Variants in NEXMIF observed in about 807,000 individuals in gnomAD.
NEXMIF encodes the protein neurite extension and migration factor.
In NEXMIF, 8 loss-of-function variants were observed where a neutral mutation model predicts 62.1. The ratio of observed to expected loss-of-function variants is 0.13; its 90% CI spans 0.08 to 0.23. The LOEUF (loss-of-function observed/expected upper bound fraction) is 0.23, where lower values mean the gene tolerates loss of function less well. Among genes scored for constraint, NEXMIF ranks in the 10% least tolerant of loss-of-function variants. NEXMIF has a pLI of 1.00. For synonymous variants in NEXMIF, 404 were observed against 416.6 expected, an observed-to-expected ratio of 0.97 and a Z score of 0.37; for missense variants, 976 against 1,113.3, an observed-to-expected ratio of 0.88 and a Z score of 1.75.
intron 1 of NEXMIF, among the ~76,000 whole-genome samples, chrX:74,827,014 C>A (rs1342072811): frequency 8.9e-6 from 1 of 111,886 alleles, no homozygotes; most frequent in Non-Finnish European, 1.9e-5. Flanking sequence ...TAAGTCACAT[C>A]TTTGCCACTA....
intron 1 of NEXMIF, among the ~76,000 whole-genome samples, chrX:74,843,176 C>G: frequency 9.0e-6 from 1 of 111,627 alleles, no homozygotes; most frequent in Non-Finnish European, 1.9e-5. Flanking sequence ...TGCATATATA[C>G]TTAGGATGGT....
intron 1 of NEXMIF, among the ~76,000 whole-genome samples, chrX:74,866,273 C>T (rs1013671810): frequency 9.0e-6 from 1 of 111,461 alleles, no homozygotes; most frequent in African/African-American, 3.3e-5. Context: ...TTAATGACAG[C>T]CTGATTGGAT....
At chrX:74,918,796 A>G (rs1001243421) in intron 1 of NEXMIF, among the ~76,000 whole-genome samples, 1 of 112,049 alleles carries the variant, frequency 8.9e-6, no homozygotes, top group African/African-American at 3.2e-5. Context: ...TGTCTGCATT[A>G]TTTCTTTTTC....
At chrX:74,852,605 G>T (rs2080519691) in intron 1 of NEXMIF, among the ~76,000 whole-genome samples, 1 of 111,640 alleles carries the variant, frequency 9.0e-6, no homozygotes, top group East Asian at 2.8e-4. Context: ...ATCATATCAA[G>T]ATCACAATGG....
At chrX:74,887,467 C>A (rs748956754) in intron 1 of NEXMIF, among the ~76,000 whole-genome samples, 121 of 111,668 alleles carry the variant, frequency 1.1e-3, no homozygotes, top group Non-Finnish European at 2.1e-3. Context: ...ACAAACAACC[C>A]CATCAAAAAG....
At chrX:74,791,131 A>T (rs2080280748) in intron 1 of NEXMIF, among the ~76,000 whole-genome samples, 1 of 110,640 alleles carries the variant, frequency 9.0e-6, no homozygotes, top group African/African-American at 3.3e-5. Flanking sequence ...GATAGCTCTT[A>T]TTATTTTGAA....
At chrX:74,766,774 T>C (rs1357160571) in intron 1 of NEXMIF, among the ~76,000 whole-genome samples, 1 of 112,228 alleles carries the variant, frequency 8.9e-6, no homozygotes, top group Non-Finnish European at 1.9e-5. Flanking sequence ...AGAACTAGTG[T>C]GATCATTTGG....
rs2080089549 is a variant in NEXMIF at position 74,737,872 on chromosome X, A to T, written c.*1533T>A. 1 of 111,331 alleles carries T rather than the reference A, an allele frequency of 9.0e-6. No homozygotes were observed. 9.2% of individuals were successfully genotyped at this position (111,331 alleles called of 1,213,427 possible). A position where few individuals can be genotyped will look rare whatever the true frequency, so the allele number is the denominator to read the frequency against. ...ATTCACAAGTTAATAGGTTAGTAAC[A>T]ATATTAATAAGAATAGTAACAACGA... On this transcript the variant is annotated 3_prime_UTR_variant, in exon 4 of 4. Transcript: ENST00000055682.
At chrX:74,872,413 G>A (rs1461370121) in intron 1 of NEXMIF, among the ~76,000 whole-genome samples, 1 of 89,975 alleles carries the variant, frequency 1.1e-5, no homozygotes, top group African/African-American at 4.0e-5. Flanking sequence ...CAGAAGGATG[G>A]TTATCAGAGG....
intron 1 of NEXMIF, among the ~76,000 whole-genome samples, chrX:74,834,330 G>T (rs1459742191): frequency 9.0e-6 from 1 of 110,666 alleles, no homozygotes; most frequent in Non-Finnish European, 1.9e-5. Context: ...TATGATAAGG[G>T]TAGTTAAAAT....
intron 1 of NEXMIF, among the ~76,000 whole-genome samples, chrX:74,916,410 A>G (rs1027370205): frequency 8.9e-6 from 1 of 112,081 alleles, no homozygotes; most frequent in Admixed American, 9.4e-5. Context: ...ATGTGGCAGT[A>G]TTGAGAGGTG....
At chrX:74,888,407 C>A (rs1274645812) in intron 1 of NEXMIF, among the ~76,000 whole-genome samples, 2 of 109,328 alleles carry the variant, frequency 1.8e-5, no homozygotes, top group Non-Finnish European at 3.8e-5. Flanking sequence ...ATGGATGAAG[C>A]TGGAAAACAT....
At chrX:74,747,854 G>A (rs1384100710) in intron 1 of NEXMIF, among the ~76,000 whole-genome samples, 2 of 111,826 alleles carry the variant, frequency 1.8e-5, no homozygotes, top group Non-Finnish European at 3.8e-5. Context: ...GATCTCAAGC[G>A]ATCCAACTGC....
At chrX:74,797,776 TTTCC>T (rs911028160) in intron 1 of NEXMIF, among the ~76,000 whole-genome samples, 2 of 111,897 alleles carry the variant, frequency 1.8e-5, no homozygotes, top group African/African-American at 6.5e-5. Flanking sequence ...AGGCCAAAGC[TTTCC>T]TTGGGCTTTC....
chrX:74,889,054 C>A (rs1240555896), intron 1 of NEXMIF, among the ~76,000 whole-genome samples: 3 of 111,704 alleles, frequency 2.7e-5, no homozygotes, highest in Non-Finnish European at 5.6e-5. Context: ...TCACTCAAGA[C>A]AATGGATGTG....
intron 1 of NEXMIF, among the ~76,000 whole-genome samples, chrX:74,788,636 C>G (rs1360369863): frequency 1.8e-5 from 2 of 111,422 alleles, no homozygotes; most frequent in Admixed American, 1.9e-4. Flanking sequence ...CAGGTCAAAA[C>G]TCATTATCTA....
chrX:74,818,944 C>CA (rs1265505551), intron 1 of NEXMIF, among the ~76,000 whole-genome samples: 2 of 111,321 alleles, frequency 1.8e-5, no homozygotes, highest in African/African-American at 6.5e-5. Flanking sequence ...ATTCAAAAGT[C>CA]AAAAAACAAC....
At chrX:74,920,731 G>C (rs1457572653) in intron 1 of NEXMIF, among the ~76,000 whole-genome samples, 8 of 111,832 alleles carry the variant, frequency 7.2e-5, no homozygotes, top group Non-Finnish European at 5.6e-5. Context: ...TAATGCCTAG[G>C]TTTTCTTCTA....
In NEXMIF at chrX:74,744,380, C is replaced by T; in HGVS notation, c.177G>A (p.Met59Ile). The change falls in exon 3 of 4, where the codon ATG becomes ATA. Residue 59 changes from methionine to isoleucine, a missense_variant. This residue lies in a region of NEXMIF where 126 missense variants were observed against 146.5 expected (regional missense o/e 0.86). Coordinates refer to ENST00000055682, the MANE Select transcript of NEXMIF (RefSeq NM_001008537.3). ...GTAGAGGCAGGAGACCTCTGGGATACATCAGGGTCTCTTTTTGTGCCACCG... is the reference window on the plus strand; with the variant it reads ...GTAGAGGCAGGAGACCTCTGGGATATATCAGGGTCTCTTTTTGTGCCACCG... Reference protein sequence around the residue: ...PTPVAQKETLMYPRGLLPLPS... With the variant: ...PTPVAQKETLIYPRGLLPLPS... 1 of 1,210,433 alleles carries T rather than the reference C, an allele frequency of 8.3e-7. No homozygotes were observed.
Sources: gnomAD v4.1 joint callset for allele counts (sites outside exome capture counted in the v4.1 genomes callset) on GRCh38, gnomAD v4.1.1 for gene constraint, gnomAD v4.1.1 regional missense constraint, MANE v1.5 for transcripts, NCBI Gene and HGNC (gene_info 2026-07-23, HGNC 2026-07-21) for gene names.